The following MACROD2 variants were observed in gnomAD, a reference collection of about 807,000 sequenced individuals.
MACROD2 encodes ADP-ribose glycohydrolase MACROD2.
MACROD2 carries 36 observed loss-of-function variants against 70.4 expected under a neutral mutation model. That is an observed-to-expected ratio of 0.51 (90% CI 0.39 to 0.68). The LOEUF (loss-of-function observed/expected upper bound fraction) is 0.68, where lower values mean the gene tolerates loss of function less well. Ranked by LOEUF, MACROD2 falls within the 30% of genes least tolerant of loss-of-function variation. The probability of loss-of-function intolerance (pLI) is 0.00; values close to 1 mark genes in which losing one functional copy is unlikely to be tolerated. For missense variants in MACROD2, 496 were observed against 538.4 expected (o/e 0.92, Z 0.78); for synonymous variants, 172 against 178.8 (o/e 0.96, Z 0.30).
intron 3 of MACROD2, among the ~76,000 whole-genome samples, chr20:14,231,262 A>G (rs1240196737): frequency 6.6e-6 from 1 of 151,892 alleles, no homozygotes; most frequent in Non-Finnish European, 1.5e-5. Context: ...AACATTAGGT[A>G]TATCTCCTAA....
intron 3 of MACROD2, among the ~76,000 whole-genome samples, chr20:14,364,644 A>T (rs2083255598): frequency 6.6e-6 from 1 of 152,158 alleles, no homozygotes; most frequent in African/African-American, 2.4e-5. Context: ...AGAAACCACC[A>T]AACTGTTTTC....
intron 5 of MACROD2, among the ~76,000 whole-genome samples, chr20:15,052,570 AG>A (rs1394700792): frequency 3.9e-5 from 6 of 152,156 alleles, no homozygotes; most frequent in African/African-American, 7.2e-5. Flanking sequence ...TGCTCATAAA[AG>A]GTCACAAACT....
chr20:15,858,832 A>T (rs2064387666), intron 8 of MACROD2, among the ~76,000 whole-genome samples: 1 of 152,218 alleles, frequency 6.6e-6, no homozygotes, highest in African/African-American at 2.4e-5. Context: ...TTACAAAGTT[A>T]TACAGCATCA....
chr20:14,612,834 A>G (rs2123431766), intron 4 of MACROD2, among the ~76,000 whole-genome samples: 1 of 152,222 alleles, frequency 6.6e-6, no homozygotes, highest in African/African-American at 2.4e-5. Flanking sequence ...GGTTTGGGAA[A>G]CAAAGGGAGG....
intron 5 of MACROD2, among the ~76,000 whole-genome samples, chr20:15,030,735 C>T (rs1422489726): frequency 6.6e-6 from 1 of 152,156 alleles, no homozygotes; most frequent in Non-Finnish European, 1.5e-5. Flanking sequence ...TTCAGATGCA[C>T]CTGTCAAAGT....
chr20:14,942,407 TCTCCTCTTCCTCCTTTCTCCTC>T (rs1199686931), intron 5 of MACROD2, among the ~76,000 whole-genome samples: 20 of 151,948 alleles, frequency 1.3e-4, no homozygotes, highest in South Asian at 8.3e-4. Flanking sequence ...TCCTTCTTCT[TCTCCTCTTCCTCCTTTCTCCTC>T]CTCCTCTTCC....
intron 6 of MACROD2, among the ~76,000 whole-genome samples, chr20:15,231,490 C>T (rs573129565): frequency 6.6e-6 from 1 of 151,976 alleles, no homozygotes; most frequent in African/African-American, 2.4e-5. Context: ...GAGAAGTTTC[C>T]AACTTGGAAA....
At chr20:14,528,290 CTT>C (rs71335971) in intron 4 of MACROD2, among the ~76,000 whole-genome samples, 20,946 of 136,688 alleles carry the variant, frequency 0.15, 2,133 homozygotes, top group Non-Finnish European at 0.22. Flanking sequence ...TGTGTTGTTG[CTT>C]TTTTTTTTTT....
At chr20:14,731,323 C>A (rs1320175048) in intron 5 of MACROD2, among the ~76,000 whole-genome samples, 1 of 152,172 alleles carries the variant, frequency 6.6e-6, no homozygotes, top group African/African-American at 2.4e-5. Flanking sequence ...TATTTGTCCT[C>A]ATTATAGAGA....
Position 14,747,804 on chromosome 20 carries a change from T to C in MACROD2, c.418+62845T>C, listed in dbSNP as rs985055771. ...TCTCTGTTGTTATAATGGGAAAAGT[T>C]TGAACGTCAAATGGAAGAGAAAGTG... On this transcript the variant is annotated intron_variant, in intron 5 of 17. Transcript: ENST00000684519. Among the ~76,000 whole-genome samples, 28 of 151,558 alleles carry C rather than the reference T, an allele frequency of 1.8e-4. 1 individual carries two copies. Among genetic ancestry groups the C allele is most frequent in the African/African-American group, 4.6e-4 (19 of 40,960 alleles).
chr20:15,944,069 C>A (rs2065787318), intron 12 of MACROD2, among the ~76,000 whole-genome samples: 1 of 151,942 alleles, frequency 6.6e-6, no homozygotes, highest in Non-Finnish European at 1.5e-5. Flanking sequence ...TAGCCAGTGC[C>A]CTAATGTTAG....
intron 2 of MACROD2, among the ~76,000 whole-genome samples, chr20:14,076,566 C>T (rs1457795066): frequency 6.6e-6 from 1 of 152,034 alleles, no homozygotes; most frequent in Admixed American, 6.5e-5. Flanking sequence ...GTAGTCCCAG[C>T]TACTCAGGAA....
At chr20:14,646,128 A>G (rs1200327641) in intron 4 of MACROD2, among the ~76,000 whole-genome samples, 1 of 149,644 alleles carries the variant, frequency 6.7e-6, no homozygotes, top group African/African-American at 2.4e-5. Flanking sequence ...TAAATATACA[A>G]TCATAGCCTT....
chr20:14,860,585 C>T (rs1344243259), intron 5 of MACROD2, among the ~76,000 whole-genome samples: 1 of 152,126 alleles, frequency 6.6e-6, no homozygotes, highest in Non-Finnish European at 1.5e-5. Context: ...GCAACTTGTG[C>T]TTATGCCCTC....
intron 8 of MACROD2, among the ~76,000 whole-genome samples, chr20:15,820,014 A>G (rs567397415): frequency 1.2e-3 from 182 of 152,260 alleles, no homozygotes; most frequent in Middle Eastern, 6.8e-3. Context: ...CCATAATATC[A>G]TGTTGCAAAT....
intron 7 of MACROD2, among the ~76,000 whole-genome samples, chr20:15,449,868 C>T (rs2046617628): frequency 6.6e-6 from 1 of 152,132 alleles, no homozygotes; most frequent in African/African-American, 2.4e-5. Flanking sequence ...TGGCATATGC[C>T]TATAGTCTCA....
chr20:14,349,353 G>T (rs1277391027), intron 3 of MACROD2, among the ~76,000 whole-genome samples: 1 of 150,420 alleles, frequency 6.6e-6, no homozygotes, highest in East Asian at 1.9e-4. Context: ...TCACATCATG[G>T]AAAACAGGGT....
intron 8 of MACROD2, among the ~76,000 whole-genome samples, chr20:15,829,691 A>C (rs2064033716): frequency 6.6e-6 from 1 of 152,204 alleles, no homozygotes; most frequent in African/African-American, 2.4e-5. Context: ...AAGCATATGA[A>C]GTGCCAGAGA....
At chr20:14,807,041 G>A (rs568260341) in intron 5 of MACROD2, among the ~76,000 whole-genome samples, 1 of 152,258 alleles carries the variant, frequency 6.6e-6, no homozygotes, top group African/African-American at 2.4e-5. Context: ...GTTCCTTCCT[G>A]CCTGCTCTGA....
Sources: gnomAD v4.1 joint callset for allele counts (sites outside exome capture counted in the v4.1 genomes callset) on GRCh38, gnomAD v4.1.1 for gene constraint, MANE v1.5 for transcripts, NCBI Gene and HGNC (gene_info 2026-07-23, HGNC 2026-07-21) for gene names.